The following ST6GALNAC3 variants were observed in gnomAD, a reference collection of about 807,000 sequenced individuals.
The protein encoded by ST6GALNAC3 is alpha-N-acetylgalactosaminide alpha-2,6-sialyltransferase 3.
Under a neutral mutation model 32.7 loss-of-function variants are expected in ST6GALNAC3, and 25 were observed. That is an observed-to-expected ratio of 0.76 (90% confidence interval 0.56 to 1.07). ST6GALNAC3 has a LOEUF of 1.07. Ranked by LOEUF, ST6GALNAC3 falls within the 50% of genes least tolerant of loss-of-function variation. The probability of loss-of-function intolerance (pLI) is 0.00; values close to 1 mark genes in which losing one functional copy is unlikely to be tolerated. For synonymous variants in ST6GALNAC3, 129 were observed against 133.1 expected (o/e 0.97, Z 0.21); for missense variants, 355 against 382.4 (o/e 0.93, Z 0.60).
At chr1:76,096,695 G>A (rs887227931) in intron 1 of ST6GALNAC3, among the ~76,000 whole-genome samples, 10 of 151,830 alleles carry the variant, frequency 6.6e-5, no homozygotes, top group East Asian at 1.9e-4. Flanking sequence ...GATTGCTGCC[G>A]TTAACAAGGT....
chr1:76,541,547 A>G (rs1663992754), intron 3 of ST6GALNAC3, among the ~76,000 whole-genome samples: 1 of 152,246 alleles, frequency 6.6e-6, no homozygotes, highest in African/African-American at 2.4e-5. Flanking sequence ...TTAGTCATGC[A>G]GCTAACTGCA....
At chr1:76,564,270 A>G (rs1298786159) in intron 3 of ST6GALNAC3, among the ~76,000 whole-genome samples, 3 of 152,222 alleles carry the variant, frequency 2.0e-5, no homozygotes, top group Non-Finnish European at 4.4e-5. Context: ...AAACTGAATT[A>G]CCAGGTCTTC....
In ST6GALNAC3 at chr1:76,591,951, A is replaced by T. The variant is rs1647054745; in HGVS notation, c.624-35501A>T. On this transcript the variant is annotated intron_variant, in intron 3 of 4. Transcript: ENST00000328299. ...GGCACGGAAAGAAGTTCTGTGAGTT[A>T]TTCTGAGTGGATCAAACATAGCATG... 2.6e-5 allele frequency among the ~76,000 whole-genome samples: 4 copies of T among 152,222 alleles called. No individual in the cohort carries two copies. In the South Asian group the frequency reaches 8.3e-4, roughly 32 times the overall value.
chr1:76,264,370 T>G (rs1658414899), intron 1 of ST6GALNAC3, among the ~76,000 whole-genome samples: 1 of 152,176 alleles, frequency 6.6e-6, no homozygotes, highest in Non-Finnish European at 1.5e-5. Flanking sequence ...GTTATTAGTT[T>G]AAACCTTTAA....
At chr1:76,391,382 T>C (rs1007622189) in intron 2 of ST6GALNAC3, among the ~76,000 whole-genome samples, 8 of 152,174 alleles carry the variant, frequency 5.3e-5, no homozygotes, top group African/African-American at 1.9e-4. Context: ...ATCACCCCAG[T>C]TGGGTGGTTG....
At chr1:76,299,377 G>A (rs189360310) in intron 1 of ST6GALNAC3, among the ~76,000 whole-genome samples, 190 of 152,148 alleles carry the variant, frequency 1.2e-3, no homozygotes, top group Non-Finnish European at 2.2e-3. Flanking sequence ...TTTGCCAGTG[G>A]GGAAGCATTA....
chr1:76,352,741 G>C (rs1318693658), intron 2 of ST6GALNAC3, among the ~76,000 whole-genome samples: 1 of 151,888 alleles, frequency 6.6e-6, no homozygotes, highest in Non-Finnish European at 1.5e-5. Flanking sequence ...ATCAGAATTA[G>C]GTACAGGCTC....
At chr1:76,498,706 CCTT>C (rs1354335389) in intron 3 of ST6GALNAC3, among the ~76,000 whole-genome samples, 2 of 147,052 alleles carry the variant, frequency 1.4e-5, no homozygotes, top group Non-Finnish European at 3.0e-5. Context: ...AATCTTGCCT[CCTT>C]TGATTCGCAA....
intron 3 of ST6GALNAC3, among the ~76,000 whole-genome samples, chr1:76,441,769 A>C (rs1656625089): frequency 6.6e-6 from 1 of 151,008 alleles, no homozygotes; most frequent in Non-Finnish European, 1.5e-5. Context: ...CCACCCTTCC[A>C]CCAGATCTGA....
intron 1 of ST6GALNAC3, among the ~76,000 whole-genome samples, chr1:76,309,800 G>T (rs559931757): frequency 6.6e-6 from 1 of 152,142 alleles, no homozygotes; most frequent in Non-Finnish European, 1.5e-5. Flanking sequence ...AGAGGAGAGG[G>T]TGTCTGGCTT....
intron 2 of ST6GALNAC3, among the ~76,000 whole-genome samples, chr1:76,326,826 G>GTTTTTTTTTT (rs11331532): frequency 6.2e-5 from 7 of 113,410 alleles, no homozygotes; most frequent in Non-Finnish European, 8.7e-5. Flanking sequence ...GAAGTTTTGG[G>GTTTTTTTTTT]TTTTTTTTTT....
At position 76,379,515 on chromosome 1, in the gene ST6GALNAC3, G is replaced by A. The variant is rs369444657; in HGVS notation, c.214-32493G>A. Among the ~76,000 whole-genome samples the A allele has an allele frequency of 6.6e-5, 10 of 152,246 alleles. No individual in the cohort carries two copies. The East Asian group carries it at 7.8e-4, about 12-fold the overall frequency. On this transcript the variant is annotated intron_variant, in intron 2 of 4. Coordinates refer to ENST00000328299, the MANE Select transcript of ST6GALNAC3 (RefSeq NM_152996.4). ...GTACCATCTGTGCCTGTCAAACTCTGGCCAAGTAGTTTTCCATGGTGGAGA... is the reference window on the plus strand; with the variant it reads ...GTACCATCTGTGCCTGTCAAACTCTAGCCAAGTAGTTTTCCATGGTGGAGA...
intron 1 of ST6GALNAC3, among the ~76,000 whole-genome samples, chr1:76,282,857 C>T (rs945193665): frequency 1.5e-5 from 2 of 133,170 alleles, no homozygotes; most frequent in African/African-American, 3.0e-5. Flanking sequence ...GGTGACATCC[C>T]ATCTCTACTA....
chr1:76,394,990 CT>C (rs1213356316), intron 2 of ST6GALNAC3, among the ~76,000 whole-genome samples: 3 of 140,146 alleles, frequency 2.1e-5, no homozygotes, highest in African/African-American at 8.7e-5. Flanking sequence ...TTTGGATTGC[CT>C]TTGCATTAGC....
chr1:76,375,624 T>G (rs1425928326), intron 2 of ST6GALNAC3, among the ~76,000 whole-genome samples: 1 of 152,000 alleles, frequency 6.6e-6, no homozygotes, highest in African/African-American at 2.4e-5. Flanking sequence ...AGGTAAATGG[T>G]TGGGGAGGGG....
intron 3 of ST6GALNAC3, among the ~76,000 whole-genome samples, chr1:76,563,392 A>G (rs1665360140): frequency 1.3e-5 from 2 of 152,212 alleles, no homozygotes; most frequent in African/African-American, 4.8e-5. Context: ...CTATCTGGAA[A>G]ATCGGGAGGT....
chr1:76,145,377 A>G (rs1650610164), intron 1 of ST6GALNAC3, among the ~76,000 whole-genome samples: 1 of 152,056 alleles, frequency 6.6e-6, no homozygotes, highest in Admixed American at 6.5e-5. Flanking sequence ...TTGCCTTTCA[A>G]CTCAAAGTGT....
intron 3 of ST6GALNAC3, among the ~76,000 whole-genome samples, chr1:76,534,057 T>G (rs1344360610): frequency 6.6e-6 from 1 of 152,168 alleles, no homozygotes; most frequent in Non-Finnish European, 1.5e-5. Context: ...TTTTTCTTTT[T>G]TTTGAGACAG....
At chr1:76,394,785 A>G (rs560397229) in intron 2 of ST6GALNAC3, among the ~76,000 whole-genome samples, 45 of 152,296 alleles carry the variant, frequency 3.0e-4, no homozygotes, top group Non-Finnish European at 5.0e-4. Context: ...TAGGCTCTAT[A>G]TTTCAGATAT....
Sources: gnomAD v4.1 joint callset for allele counts (sites outside exome capture counted in the v4.1 genomes callset) on GRCh38, gnomAD v4.1.1 for gene constraint, MANE v1.5 for transcripts, NCBI Gene and HGNC (gene_info 2026-07-23, HGNC 2026-07-21) for gene names.